MSRA: variants seen among roughly 807,000 people sequenced by gnomAD.
MSRA encodes methionine sulfoxide reductase A, also known as mitochondrial peptide methionine sulfoxide reductase.
In MSRA, 54 loss-of-function variants were observed where a neutral mutation model predicts 31.3. That is an observed-to-expected ratio of 1.73 (90% CI 1.39 to 2.17). MSRA has a LOEUF of 2.17. MSRA is among the 30% of genes most tolerant of loss of function. MSRA has a pLI of 0.00. For missense variants in MSRA, 507 were observed against 300.9 expected (o/e 1.69, Z -5.07); for synonymous variants, 169 against 116.5 (o/e 1.45, Z -2.90).
intron 3 of MSRA, among the ~76,000 whole-genome samples, chr8:10,279,954 A>G (rs1236753019): frequency 1.3e-5 from 2 of 152,252 alleles, no homozygotes; most frequent in East Asian, 1.9e-4. Context: ...AAAGACAACT[A>G]GGCCTGATAT....
intron 1 of MSRA, chr8:10,096,291 G>A (rs770451879): frequency 1.8e-6 from 2 of 1,132,242 alleles, no homozygotes; most frequent in Non-Finnish European, 2.2e-6. Flanking sequence ...GAAGACACCA[G>A]ACTTCGCTTG....
At chr8:10,197,973 C>T (rs1808142271) in intron 1 of MSRA, among the ~76,000 whole-genome samples, 1 of 152,166 alleles carries the variant, frequency 6.6e-6, no homozygotes, top group African/African-American at 2.4e-5. Context: ...GGGTTGTTGT[C>T]ATGGAAGAGA....
intron 1 of MSRA, among the ~76,000 whole-genome samples, chr8:10,106,275 C>T (rs376441274): frequency 3.9e-5 from 6 of 152,186 alleles, no homozygotes; most frequent in African/African-American, 1.2e-4. Context: ...TTATTGTACT[C>T]GTTTGCCATT....
intron 1 of MSRA, among the ~76,000 whole-genome samples, chr8:10,111,583 A>G (rs1304791247): frequency 6.6e-6 from 1 of 152,150 alleles, no homozygotes; most frequent in African/African-American, 2.4e-5. Context: ...GCGTTAACAC[A>G]TTTATTTCCA....
chr8:10,231,049 G>C lies in MSRA; in HGVS notation c.212-14055G>C, dbSNP rs536858714. Reference sequence around the variant, plus strand: ...ATTCCCCCCACCTTGGCCTCCCAAAGTGCTGGGATTACAGGCATCAGCCAC... The same window carrying C: ...ATTCCCCCCACCTTGGCCTCCCAAACTGCTGGGATTACAGGCATCAGCCAC... On this transcript the variant is annotated intron_variant, in intron 2 of 5. Coordinates refer to ENST00000317173, the MANE Select transcript of MSRA (RefSeq NM_012331.5). Among the ~76,000 whole-genome samples the C allele has an allele frequency of 1.6e-4, 25 of 152,294 alleles. 1 individual carries two copies. In the South Asian group the frequency reaches 5.2e-3, roughly 32 times the overall value.
At chr8:10,259,860 C>T (rs944066506) in intron 3 of MSRA, among the ~76,000 whole-genome samples, 3 of 152,212 alleles carry the variant, frequency 2.0e-5, no homozygotes, top group Non-Finnish European at 4.4e-5. Flanking sequence ...TGCCACCCAG[C>T]TCGCTGGTGT....
chr8:10,402,499 C>T (rs1197613885), intron 5 of MSRA, among the ~76,000 whole-genome samples: 2 of 152,226 alleles, frequency 1.3e-5, no homozygotes, highest in Non-Finnish European at 2.9e-5. Flanking sequence ...TGTGCATGAT[C>T]ATTCCAATGA....
intron 5 of MSRA, among the ~76,000 whole-genome samples, chr8:10,397,524 G>A (rs902384731): frequency 6.6e-6 from 1 of 152,190 alleles, no homozygotes; most frequent in Non-Finnish European, 1.5e-5. Flanking sequence ...GTGTTCACTG[G>A]TCCAGGCTTC....
chr8:10,347,497 C>G (rs1423062844), intron 5 of MSRA, among the ~76,000 whole-genome samples: 2 of 152,176 alleles, frequency 1.3e-5, no homozygotes, highest in Non-Finnish European at 2.9e-5. Context: ...TCCCCATCAT[C>G]TTCATCTCTT....
chr8:10,202,043 C>G (rs1808549963), intron 1 of MSRA, among the ~76,000 whole-genome samples: 1 of 152,220 alleles, frequency 6.6e-6, no homozygotes, highest in Non-Finnish European at 1.5e-5. Context: ...TACTGGTAAT[C>G]AATAGTTAGG....
intron 5 of MSRA, among the ~76,000 whole-genome samples, chr8:10,413,437 G>A (rs78969135): frequency 0.015 from 2,255 of 152,222 alleles, 27 homozygotes; most frequent in Middle Eastern, 0.027. Flanking sequence ...CACACTGTGG[G>A]GCAGGACATC....
chr8:10,135,250 G>T (rs143457045), intron 1 of MSRA, among the ~76,000 whole-genome samples: 1 of 152,222 alleles, frequency 6.6e-6, no homozygotes. Context: ...GACATTGGGG[G>T]TTGCCTATTT....
At chr8:10,253,281 T>G (rs1361739986) in intron 3 of MSRA, among the ~76,000 whole-genome samples, 5 of 152,224 alleles carry the variant, frequency 3.3e-5, no homozygotes, top group African/African-American at 1.2e-4. Flanking sequence ...ATGGACTCTC[T>G]AAAGACTATT....
intron 5 of MSRA, among the ~76,000 whole-genome samples, chr8:10,338,614 G>C (rs1201460880): frequency 1.3e-5 from 2 of 152,106 alleles, no homozygotes; most frequent in African/African-American, 2.4e-5. Context: ...TATACAGTTA[G>C]GATTTGTCAA....
intron 3 of MSRA, among the ~76,000 whole-genome samples, chr8:10,278,607 G>A (rs771007761): frequency 6.6e-6 from 1 of 152,160 alleles, no homozygotes; most frequent in Non-Finnish European, 1.5e-5. Flanking sequence ...TGCACCTCAC[G>A]TCTGCTCACA....
intron 4 of MSRA, among the ~76,000 whole-genome samples, chr8:10,308,818 A>G (rs1157173149): frequency 6.6e-6 from 1 of 152,228 alleles, no homozygotes; most frequent in Non-Finnish European, 1.5e-5. Flanking sequence ...AACATCAGGC[A>G]AGACTGCAAG....
intron 1 of MSRA, among the ~76,000 whole-genome samples, chr8:10,067,528 C>G (rs943611679): frequency 1.3e-5 from 2 of 152,170 alleles, no homozygotes; most frequent in Non-Finnish European, 2.9e-5. Flanking sequence ...CATAAGTTTT[C>G]AACTCATTTG....
At chr8:10,358,382 T>G (rs572719212) in intron 5 of MSRA, among the ~76,000 whole-genome samples, 2 of 152,096 alleles carry the variant, frequency 1.3e-5, no homozygotes, top group East Asian at 3.9e-4. Context: ...ATCCCTCTAT[T>G]CTCTTGTTTC....
intron 3 of MSRA, among the ~76,000 whole-genome samples, chr8:10,248,698 G>A (rs1585269912): frequency 6.6e-6 from 1 of 152,220 alleles, no homozygotes; most frequent in East Asian, 1.9e-4. Context: ...TTGTGACTAG[G>A]CATATAGAAA....
Sources: gnomAD v4.1 joint callset for allele counts (sites outside exome capture counted in the v4.1 genomes callset) on GRCh38, gnomAD v4.1.1 for gene constraint, MANE v1.5 for transcripts, NCBI Gene and HGNC (gene_info 2026-07-23, HGNC 2026-07-21) for gene names.